The following PCDHGA6 variants were observed in gnomAD, a reference collection of about 807,000 sequenced individuals.
PCDHGA6 encodes protocadherin gamma subfamily A, 6.
A neutral mutation model predicts 60.6 loss-of-function variants in PCDHGA6; 41 were observed. That is an observed-to-expected ratio of 0.68 (90% CI 0.53 to 0.88). The LOEUF (loss-of-function observed/expected upper bound fraction) is 0.88. PCDHGA6 is among the 40% of genes least tolerant of loss of function. The pLI is 0.00. For missense variants in PCDHGA6, 1,312 were observed against 1,203.0 expected (o/e 1.09, Z -1.34); for synonymous variants, 594 against 524.4 (o/e 1.13, Z -1.81).
Position 141,432,604 on chromosome 5 carries a change from A to T in PCDHGA6, c.2424+56097A>T, listed in dbSNP as rs774164351. ...GTCTGCTCAAGGCCAGCGAGCCGGG[A>T]CTCTTCTCGGTGGGTCTGCACACGG... On this transcript the variant is annotated intron_variant, in intron 1 of 3. Coordinates refer to ENST00000517434, the MANE Select transcript of PCDHGA6 (RefSeq NM_018919.3). The surrounding 1 kb of genome is among the most constrained non-coding windows in gnomAD (Gnocchi z 6.0). 1.2e-6 allele frequency: 2 copies of T among 1,610,530 alleles called. No homozygotes were observed. The highest frequency in any genetic ancestry group is 1.7e-6 in the Non-Finnish European group (2 of 1,179,274).
In PCDHGA6 at chr5:141,410,693, A is replaced by AT. The variant is rs774266569; in HGVS notation, c.2424+34190dup. On this transcript the variant is annotated intron_variant, in intron 1 of 3. Coordinates refer to ENST00000517434, the MANE Select transcript of PCDHGA6 (RefSeq NM_018919.3). ...TCTCATATTTTAGGCATACTACTTT[A>AT]TTTTCATATCTAGAATCATATGTTT... The AT allele has an allele frequency of 1.1e-5, 17 of 1,496,786 alleles. No homozygotes were observed. In the Admixed American group the frequency reaches 3.7e-4, roughly 33 times the overall value. The allele number at this position is 1,496,786 out of a possible 1,614,324, so 92.7% of individuals were successfully genotyped here.
In PCDHGA6 at chr5:141,388,635, C is replaced by A. The variant is rs1441074974; in HGVS notation, c.2424+12128C>A. The A allele has an allele frequency of 4.3e-6, 7 of 1,613,896 alleles. No homozygotes were observed. The highest frequency in any genetic ancestry group is 5.9e-6 in the Non-Finnish European group (7 of 1,179,864). On this transcript the variant is annotated intron_variant, in intron 1 of 3. Transcript: ENST00000517434. ...CAGTCAAGACGTATACAGGGTGAGC[C>A]TTTCAGAAAACGTGTACCCGGGGAC...
chr5:141,390,003 C>A, intron 1 of PCDHGA6: 1 of 1,614,056 alleles, frequency 6.2e-7, no homozygotes, highest in Non-Finnish European at 8.5e-7. Flanking sequence ...GGCCATGATT[C>A]TGGCCATTGC....
At chr5:141,405,218 G>C in intron 1 of PCDHGA6, 3 of 1,613,986 alleles carry the variant, frequency 1.9e-6, no homozygotes, top group Non-Finnish European at 2.5e-6. Context: ...CTATTCTCAG[G>C]AGTTCTCCCT....
chr5:141,510,804 T>C (rs965530116), intron 3 of PCDHGA6, 143 bp from the exon 4 acceptor site: 2 of 1,504,768 alleles, frequency 1.3e-6, no homozygotes, highest in Admixed American at 2.0e-5. Flanking sequence ...AGAGACTACC[T>C]TGGTGACCCC....
intron 1 of PCDHGA6, chr5:141,410,113 A>G (rs760617436): frequency 3.4e-5 from 55 of 1,612,436 alleles, no homozygotes; most frequent in Non-Finnish European, 4.6e-5. Flanking sequence ...ACAGGGACGC[A>G]GCCCGCCAGC....
intron 1 of PCDHGA6, among the ~76,000 whole-genome samples, chr5:141,466,506 G>A (rs1417729031): frequency 6.6e-6 from 1 of 152,156 alleles, no homozygotes; most frequent in Non-Finnish European, 1.5e-5. Context: ...GCACAGACAA[G>A]ATCATTTTTT....
At chr5:141,380,669 G>C (rs1434222643) in intron 1 of PCDHGA6, among the ~76,000 whole-genome samples, 1 of 152,174 alleles carries the variant, frequency 6.6e-6, no homozygotes, top group Non-Finnish European at 1.5e-5. Flanking sequence ...TTACTCCATA[G>C]GGTATGTATG....
At chr5:141,403,972 A>G in intron 1 of PCDHGA6, 1 of 1,613,968 alleles carries the variant, frequency 6.2e-7, no homozygotes, top group East Asian at 2.2e-5. Flanking sequence ...TGGAAGATGT[A>G]AATGACAATA....
At chr5:141,429,875 A>G (rs959789833) in intron 1 of PCDHGA6, among the ~76,000 whole-genome samples, 3 of 152,322 alleles carry the variant, frequency 2.0e-5, no homozygotes, top group Middle Eastern at 6.8e-3. Context: ...ATTTTCTTTT[A>G]CTAAGTTTCC....
intron 1 of PCDHGA6, among the ~76,000 whole-genome samples, chr5:141,451,329 A>G (rs991467686): frequency 2.6e-5 from 4 of 152,196 alleles, no homozygotes; most frequent in African/African-American, 9.6e-5. Context: ...ACCTAAGGCT[A>G]TTGTCTTATC....
At chr5:141,462,121 T>A (rs977258025) in intron 1 of PCDHGA6, among the ~76,000 whole-genome samples, 2 of 151,730 alleles carry the variant, frequency 1.3e-5, no homozygotes, top group Non-Finnish European at 2.9e-5. Context: ...CTGCACCCAG[T>A]CCAATTTTTT....
intron 1 of PCDHGA6, chr5:141,413,478 T>C (rs755324008): frequency 6.2e-7 from 1 of 1,614,074 alleles, no homozygotes; most frequent in East Asian, 2.2e-5. Flanking sequence ...AGCTCTGCGC[T>C]CAGAGCGCGC....
rs1264688160 is a variant in PCDHGA6, at chr5:141,493,193, G to A, written c.2425-1614G>A. 6.6e-6 allele frequency among the ~76,000 whole-genome samples: 1 copy of A among 152,128 alleles called. No individual in the cohort carries two copies. On this transcript the variant is annotated intron_variant, in intron 1 of 3. Transcript: ENST00000517434. This position sits in a 1 kb window ranked among gnomAD's most constrained non-coding sequence, Gnocchi z 4.3. ...GAGAAACTTACTATATAACTCCTTT[G>A]AGAACCTCATCTCATTTGCTCTTCC...
Position 141,431,142 on chromosome 5 carries a change from A to G in PCDHGA6, c.2424+54635A>G. ...GAAGTAGAAGTAAGGGACATTAACG[A>G]CAATGCGCCTTACTTTCGTGAAAGT... On this transcript the variant is annotated intron_variant, in intron 1 of 3. Coordinates refer to ENST00000517434, the MANE Select transcript of PCDHGA6 (RefSeq NM_018919.3). This position sits in a 1 kb window ranked among gnomAD's most constrained non-coding sequence, Gnocchi z 4.8. 1 of 1,614,240 alleles carries G rather than the reference A, an allele frequency of 6.2e-7. No individual in the cohort carries two copies. Among genetic ancestry groups the G allele is most frequent in the Non-Finnish European group, 8.5e-7 (1 of 1,180,024 alleles).
In PCDHGA6 at chr5:141,477,116, G is replaced by A. The variant is rs771557201; in HGVS notation, c.2425-17691G>A. ...AGACAAGGGCGCCAATCCCGAAGGA[G>A]CACATTGCAAAGTGTTGGTGGAGGT... On this transcript the variant is annotated intron_variant, in intron 1 of 3. Transcript: ENST00000517434. This position sits in a 1 kb window ranked among gnomAD's most constrained non-coding sequence, Gnocchi z 4.9. 1 of 1,614,252 alleles carries A rather than the reference G, an allele frequency of 6.2e-7. No homozygotes were observed. The highest frequency in any genetic ancestry group is 8.5e-7 in the Non-Finnish European group (1 of 1,180,052).
chr5:141,382,856 G>A, intron 1 of PCDHGA6: 1 of 1,504,886 alleles, frequency 6.6e-7, no homozygotes, highest in Non-Finnish European at 8.9e-7. Context: ...GCATTCTGAA[G>A]CACTTCCCGA....
At position 141,444,152 on chromosome 5, in the gene PCDHGA6, A is replaced by ATTT. The variant is rs747671382; in HGVS notation, c.2425-50621_2425-50619dup. 1.9e-3 allele frequency among the ~76,000 whole-genome samples: 66 copies of ATTT among 33,898 alleles called. 23 individuals are homozygous for ATTT. Among genetic ancestry groups the ATTT allele is most frequent in the African/African-American group, 4.6e-3 (33 of 7,184 alleles). The allele number at this position is 33,898 out of a possible 152,430, so 22.2% of individuals were successfully genotyped here. A position where few individuals can be genotyped will look rare whatever the true frequency, so the allele number is the denominator to read the frequency against. On this transcript the variant is annotated intron_variant, in intron 1 of 3. Transcript: ENST00000517434. Reference sequence around the variant, plus strand: ...GATATGTGTCACTTGTGTGTACTGGATTTTTTTTTTTTTTTTTTTTTTTTT... The same window carrying ATTT: ...GATATGTGTCACTTGTGTGTACTGGATTTTTTTTTTTTTTTTTTTTTTTTTTTT...
intron 1 of PCDHGA6, chr5:141,441,954 CA>C (rs1240871171): frequency 3.1e-6 from 1 of 319,488 alleles, no homozygotes; most frequent in Non-Finnish European, 6.0e-6. Flanking sequence ...TGCAGGCCAG[CA>C]AGCCCAGGCT....
Sources: gnomAD v4.1 joint callset for allele counts (sites outside exome capture counted in the v4.1 genomes callset) on GRCh38, gnomAD v4.1.1 for gene constraint, Gnocchi (gnomAD v3.1) non-coding constraint, MANE v1.5 for transcripts, NCBI Gene and HGNC (gene_info 2026-07-23, HGNC 2026-07-21) for gene names.